The following SETD5 variants were observed in gnomAD, a reference collection of about 807,000 sequenced individuals.
SETD5 encodes histone-lysine N-methyltransferase SETD5.
A neutral mutation model predicts 153.3 loss-of-function variants in SETD5; 44 were observed. That is an observed-to-expected ratio of 0.29 (90% CI 0.23 to 0.37). The LOEUF is 0.37. Ranked by LOEUF, SETD5 falls within the 10% of genes least tolerant of loss-of-function variation. SETD5 has a pLI of 1.00. For missense variants in SETD5, 1,544 were observed against 1,768.0 expected (o/e 0.87, Z 2.27); for synonymous variants, 716 against 645.2 (o/e 1.11, Z -1.66).
At chr3:9,427,383 C>T (rs1026258431) in intron 2 of SETD5, among the ~76,000 whole-genome samples, 2 of 152,148 alleles carry the variant, frequency 1.3e-5, no homozygotes, top group Non-Finnish European at 2.9e-5. Flanking sequence ...AACTTCATCT[C>T]TACTAAAAGT....
At chr3:9,411,556 C>T (rs1437603908) in intron 1 of SETD5, among the ~76,000 whole-genome samples, 1 of 152,130 alleles carries the variant, frequency 6.6e-6, no homozygotes, top group African/African-American at 2.4e-5. Context: ...CTGTGGTTTT[C>T]TTGCTTTGGC....
chr3:9,473,303 ACT>A lies in SETD5; in HGVS notation c.3266_3267del (p.Ser1089CysfsTer16), dbSNP rs1064796348. 1 of 1,613,922 alleles carries A rather than the reference ACT, an allele frequency of 6.2e-7. No individual in the cohort carries two copies. Among genetic ancestry groups the A allele is most frequent in the Non-Finnish European group, 8.5e-7 (1 of 1,179,882 alleles). Reference sequence around the variant, plus strand: ...GAAAATTCTGCTGGTGGGGGAGGTGACTCTGCACAGAGCAAAAGCAAGTCTGC... The same window carrying A: ...GAAAATTCTGCTGGTGGGGGAGGTGACTGCACAGAGCAAAAGCAAGTCTGC... On this transcript the variant is annotated frameshift_variant, in exon 20 of 23. Coordinates refer to ENST00000402198, the MANE Select transcript of SETD5 (RefSeq NM_001080517.3). LOFTEE classifies it high-confidence loss of function.
At position 9,476,061 on chromosome 3, in the gene SETD5, A is replaced by G; in HGVS notation, c.4299A>G (p.Ser1433=). 1.2e-6 allele frequency: 2 copies of G among 1,613,888 alleles called. No homozygotes were observed. Among genetic ancestry groups the G allele is most frequent in the Non-Finnish European group, 1.7e-6 (2 of 1,179,804 alleles). Residue 1433 remains serine, a synonymous_variant, in exon 23 of 23, where the codon TCA becomes TCG. Transcript: ENST00000402198. The part of the protein sequence containing the change: ...HQYRLQPLQG[S]GVKTQTGLS ...ACCGACTCCAGCCACTGCAAGGGTC[A>G]GGAGTCAAGACTCAGACGGGACTTT...
intron 1 of SETD5, among the ~76,000 whole-genome samples, chr3:9,421,109 C>A (rs1391268845): frequency 6.6e-6 from 1 of 151,096 alleles, no homozygotes; most frequent in African/African-American, 2.4e-5. Flanking sequence ...TTGAGACATT[C>A]TATGAATTGC....
chr3:9,440,838 A>C (rs2041189409), intron 8 of SETD5, 140 bp downstream of exon 8: 1 of 1,081,466 alleles, frequency 9.2e-7, no homozygotes, highest in Non-Finnish European at 1.3e-6. Context: ...GATCATATGT[A>C]ACCAAAAGTA....
rs2045849950 is a variant in SETD5 at position 9,476,329 on chromosome 3, C to T, written c.*238C>T. 3.8e-6 allele frequency: 2 copies of T among 530,278 alleles called. No homozygotes were observed. The highest frequency in any genetic ancestry group is 1.9e-5 in the African/African-American group (1 of 52,752). 32.8% of individuals were successfully genotyped at this position (530,278 alleles called of 1,614,324 possible). A position where few individuals can be genotyped will look rare whatever the true frequency, so the allele number is the denominator to read the frequency against. On this transcript the variant is annotated 3_prime_UTR_variant, in exon 23 of 23. Coordinates refer to ENST00000402198, the MANE Select transcript of SETD5 (RefSeq NM_001080517.3). The stretch of plus-strand genomic sequence containing the variant: ...AAGTTTCTCCCTGCTGTCAAGGGTA[C>T]ATTGTTGACAAGCAAATGGTGTTTC...
chr3:9,443,433 C>A lies in SETD5; in HGVS notation c.1187+16C>A. 1 of 1,298,260 alleles carries A rather than the reference C, an allele frequency of 7.7e-7. No individual in the cohort carries two copies. The highest frequency in any genetic ancestry group is 1.0e-6 in the Non-Finnish European group (1 of 995,900). The allele number at this position is 1,298,260 out of a possible 1,614,324, so 80.4% of individuals were successfully genotyped here. A position where few individuals can be genotyped will look rare whatever the true frequency, so the allele number is the denominator to read the frequency against. On this transcript the variant is annotated intron_variant, in intron 11 of 22. Transcript: ENST00000402198. Reference sequence around the variant, plus strand: ...ATAGTAACTGGTAAGACCTCAGAAACCTTTCCTAACAGGAATATCCATGTC... The same window carrying A: ...ATAGTAACTGGTAAGACCTCAGAAAACTTTCCTAACAGGAATATCCATGTC...
chr3:9,431,513 C>T, intron 3 of SETD5: 1 of 972,874 alleles, frequency 1.0e-6, no homozygotes, highest in Non-Finnish European at 1.2e-6. Context: ...CTTGTAGTTA[C>T]CTGTAAGTGT....
intron 18 of SETD5, 200 bp downstream of exon 18, chr3:9,464,872 G>A (rs2044372605): frequency 1.5e-6 from 1 of 665,626 alleles, no homozygotes; most frequent in Admixed American, 2.9e-5. Context: ...TCCCAAAATA[G>A]GCATACTGCT....
At chr3:9,430,708 G>C (rs2039859759) in intron 3 of SETD5, 1 of 524,874 alleles carries the variant, frequency 1.9e-6, no homozygotes, top group Non-Finnish European at 2.4e-6. Flanking sequence ...GGAATTGCTG[G>C]ATAAAAGACC....
At chr3:9,423,398 A>T (rs754238889) in intron 1 of SETD5, 12 of 152,222 alleles carry the variant, frequency 7.9e-5, no homozygotes, top group Non-Finnish European at 1.6e-4. Context: ...AGAACTTACT[A>T]GTGTTCCTGT....
chr3:9,426,987 A>T (rs946992857), intron 2 of SETD5, among the ~76,000 whole-genome samples: 2 of 152,176 alleles, frequency 1.3e-5, no homozygotes, highest in East Asian at 3.9e-4. Context: ...TGCTCAGGTG[A>T]TCCTCCCACC....
At chr3:9,462,082 A>G (rs1026133416) in intron 17 of SETD5, among the ~76,000 whole-genome samples, 3 of 152,194 alleles carry the variant, frequency 2.0e-5, no homozygotes, top group Non-Finnish European at 2.9e-5. Context: ...TTCCCTCTTC[A>G]TCTAAACATC....
At chr3:9,438,521 AT>A (rs1322935646) in intron 7 of SETD5, among the ~76,000 whole-genome samples, 5 of 152,050 alleles carry the variant, frequency 3.3e-5, no homozygotes, top group Non-Finnish European at 7.4e-5. Context: ...GTGTGTTAAA[AT>A]TTAGAAAAAA....
At position 9,476,093 on chromosome 3, in the gene SETD5, G is replaced by C; in HGVS notation, c.*2G>C. On this transcript the variant is annotated 3_prime_UTR_variant, in exon 23 of 23. Coordinates refer to ENST00000402198, the MANE Select transcript of SETD5 (RefSeq NM_001080517.3). ...AAGACTCAGACGGGACTTTCCTAGG[G>C]CTTCTGGATTTGGGCAAACAGAACT... 6.2e-7 allele frequency: 1 copy of C among 1,610,874 alleles called. No homozygotes were observed. The highest frequency in any genetic ancestry group is 8.5e-7 in the Non-Finnish European group (1 of 1,177,900).
intron 1 of SETD5, among the ~76,000 whole-genome samples, chr3:9,424,028 T>C (rs1458754116): frequency 6.6e-6 from 1 of 152,184 alleles, no homozygotes; most frequent in African/African-American, 2.4e-5. Context: ...TATGGACTTG[T>C]AATTTAATGG....
intron 17 of SETD5, among the ~76,000 whole-genome samples, chr3:9,456,321 C>G (rs2043234560): frequency 6.6e-6 from 1 of 151,868 alleles, no homozygotes. Flanking sequence ...ACTAAAAATA[C>G]AAAAATTAGC....
rs1218727186 is a variant in SETD5, at chr3:9,428,818, T to C, written c.-116-5T>C. The C allele has an allele frequency of 1.4e-5, 7 of 511,494 alleles. No homozygotes were observed. The East Asian group carries it at 2.3e-4, about 17-fold the overall frequency. The allele number at this position is 511,494 out of a possible 1,614,324, so 31.7% of individuals were successfully genotyped here. Reference sequence around the variant, plus strand: ...TTTACTAGATATTTTCCTTTTCTGTTACAGGATTCCTCATGTCCATAACAT... The same window carrying C: ...TTTACTAGATATTTTCCTTTTCTGTCACAGGATTCCTCATGTCCATAACAT... On this transcript the variant is annotated splice_region_variant and splice_polypyrimidine_tract_variant and intron_variant, in intron 2 of 22. Transcript: ENST00000402198.
intron 18 of SETD5, among the ~76,000 whole-genome samples, chr3:9,466,654 A>G (rs62246317): frequency 0.012 from 1,873 of 152,302 alleles, 28 homozygotes; most frequent in South Asian, 0.018. Flanking sequence ...GCTGTATTCT[A>G]GTACAGAGAG....
Sources: gnomAD v4.1 joint callset for allele counts (sites outside exome capture counted in the v4.1 genomes callset) on GRCh38, gnomAD v4.1.1 for gene constraint, MANE v1.5 for transcripts, NCBI Gene and HGNC (gene_info 2026-07-23, HGNC 2026-07-21) for gene names.